Variants in CCDC33 observed in about 807,000 individuals in gnomAD.
CCDC33 encodes coiled-coil domain-containing protein 33.
Under a neutral mutation model 91.9 loss-of-function variants are expected in CCDC33, and 94 were observed. The observed-to-expected ratio is 1.02, with a 90% CI of 0.87 to 1.21. CCDC33 has a LOEUF of 1.21. CCDC33 is among the 50% of genes most tolerant of loss of function. The pLI is 0.00. For missense variants in CCDC33, 940 were observed against 935.5 expected (o/e 1.00, Z -0.06); for synonymous variants, 396 against 374.5 (o/e 1.06, Z -0.66).
intron 2 of CCDC33, among the ~76,000 whole-genome samples, chr15:74,224,044 C>T (rs2074705375): frequency 6.6e-6 from 1 of 152,128 alleles, no homozygotes; most frequent in African/African-American, 2.4e-5. Context: ...CTTTGTAGCT[C>T]GATTTTCTTT....
intron 16 of CCDC33, 46 bp from the exon 17 acceptor site, chr15:74,333,835 A>ACAGCCTC: frequency 6.6e-7 from 1 of 1,509,598 alleles, no homozygotes; most frequent in South Asian, 1.1e-5. Flanking sequence ...TCACACTGCC[A>ACAGCCTC]CAGCCTCCAG....
chr15:74,222,803 C>T (rs1369959972), intron 2 of CCDC33, among the ~76,000 whole-genome samples: 2 of 148,984 alleles, frequency 1.3e-5, no homozygotes, highest in Admixed American at 1.3e-4. Flanking sequence ...CTCCCCCGAC[C>T]CCCGCCGCCT....
intron 7 of CCDC33, among the ~76,000 whole-genome samples, chr15:74,274,517 G>A: frequency 6.6e-6 from 1 of 152,224 alleles, no homozygotes; most frequent in East Asian, 1.9e-4. Context: ...GACATTTGAA[G>A]AAGGCTCAGA....
At chr15:74,251,577 AG>A (rs2075711270) in intron 2 of CCDC33, among the ~76,000 whole-genome samples, 1 of 152,208 alleles carries the variant, frequency 6.6e-6, no homozygotes, top group Non-Finnish European at 1.5e-5. Flanking sequence ...CAGGACTCGA[AG>A]GGGAAGGCGC....
Position 74,280,700 on chromosome 15 carries a change from C to T in CCDC33, c.922C>T (p.Pro308Ser), listed in dbSNP as rs994572816. 4 of 1,544,988 alleles carry T rather than the reference C, an allele frequency of 2.6e-6. No individual in the cohort carries two copies. The African/African-American group carries it at 4.2e-5, about 16-fold the overall frequency. Residue 308 changes from proline to serine, a missense_variant, in exon 9 of 19, where the codon CCC (proline) becomes TCC (serine). By Grantham distance (74) the Pro-to-Ser change is moderately conservative (BLOSUM62 -1). Coordinates refer to ENST00000398814, the MANE Select transcript of CCDC33 (RefSeq NM_025055.5). ...KGSQPWTLNQ[P>S]LGISVLPLKS... Reference sequence around the variant, plus strand: ...CAGCCAGCCGTGGACCCTCAACCAGCCCCTGGGCATCTCTGTGTTGCCGCT... The same window carrying T: ...CAGCCAGCCGTGGACCCTCAACCAGTCCCTGGGCATCTCTGTGTTGCCGCT...
intron 11 of CCDC33, among the ~76,000 whole-genome samples, chr15:74,313,051 C>A (rs943404329): frequency 1.2e-4 from 18 of 152,204 alleles, no homozygotes; most frequent in Non-Finnish European, 2.4e-4. Flanking sequence ...TGAGCTTTGG[C>A]AGGTTCTTGT....
intron 5 of CCDC33, among the ~76,000 whole-genome samples, chr15:74,269,500 C>A (rs1056701563): frequency 1.3e-5 from 2 of 152,206 alleles, no homozygotes; most frequent in African/African-American, 4.8e-5. Context: ...CCTCTGCTCC[C>A]CGCCACCTTC....
intron 11 of CCDC33, among the ~76,000 whole-genome samples, chr15:74,305,672 G>T (rs1032657506): frequency 1.3e-5 from 2 of 152,160 alleles, no homozygotes; most frequent in African/African-American, 2.4e-5. Flanking sequence ...TTGTATTCTG[G>T]CACAGGCACC....
chr15:74,243,226 A>G (rs964574609), intron 1 of CCDC33, among the ~76,000 whole-genome samples: 3 of 152,228 alleles, frequency 2.0e-5, no homozygotes, highest in African/African-American at 7.2e-5. Flanking sequence ...CCTCCACGTA[A>G]TGCACTGAAT....
intron 11 of CCDC33, among the ~76,000 whole-genome samples, chr15:74,325,654 C>T (rs959711516): frequency 6.6e-6 from 1 of 152,176 alleles, no homozygotes; most frequent in African/African-American, 2.4e-5. Flanking sequence ...CACTGAGTCT[C>T]TGTGACCTTG....
In CCDC33 at chr15:74,280,794, C is replaced by G; in HGVS notation, c.1016C>G (p.Pro339Arg). 1 of 1,527,738 alleles carries G rather than the reference C, an allele frequency of 6.5e-7. No homozygotes were observed. The highest frequency in any genetic ancestry group is 8.8e-7 in the Non-Finnish European group (1 of 1,136,878). 94.6% of individuals were successfully genotyped at this position (1,527,738 alleles called of 1,614,324 possible). A position where few individuals can be genotyped will look rare whatever the true frequency, so the allele number is the denominator to read the frequency against. Residue 339 changes from proline to arginine, a missense_variant, in exon 9 of 19, where the codon CCC becomes CGC. Pro to Arg is a moderately radical substitution (Grantham distance 103). Coordinates refer to ENST00000398814, the MANE Select transcript of CCDC33 (RefSeq NM_025055.5). ...GACGGGCTTCACGTGGAGCGGCTCC[C>G]CATCATGGTGAGCCCCCTGCCCTGA... Reference protein sequence around the residue: ...GLDGLHVERLPIMDTSLKTIN... With the variant: ...GLDGLHVERLRIMDTSLKTIN...
chr15:74,323,354 A>G (rs563052782), intron 11 of CCDC33, among the ~76,000 whole-genome samples: 265 of 152,022 alleles, frequency 1.7e-3, no homozygotes, highest in Non-Finnish European at 3.2e-3. Flanking sequence ...GAACATAATT[A>G]TTATAAATTA....
At chr15:74,293,605 C>T (rs2059624888) in intron 10 of CCDC33, among the ~76,000 whole-genome samples, 1 of 152,134 alleles carries the variant, frequency 6.6e-6, no homozygotes, top group African/African-American at 2.4e-5. Flanking sequence ...CAGTGGGGAG[C>T]CTCCAAGTGA....
At chr15:74,235,231 CCAG>C (rs2142219406), upstream of CCDC33, among the ~76,000 whole-genome samples, 1 of 152,332 alleles carries the variant, frequency 6.6e-6, no homozygotes, top group Non-Finnish European at 1.5e-5. Context: ...CCATCCCCCA[CCAG>C]TGTCTGGGTG....
chr15:74,245,039 C>T (rs1230527056), intron 2 of CCDC33, among the ~76,000 whole-genome samples: 2 of 152,200 alleles, frequency 1.3e-5, no homozygotes, highest in East Asian at 3.9e-4. Flanking sequence ...GAAATCCTGC[C>T]TTCAAAGCCT....
intron 2 of CCDC33, among the ~76,000 whole-genome samples, chr15:74,253,601 G>C (rs1353467039): frequency 6.6e-6 from 1 of 152,144 alleles, no homozygotes; most frequent in Non-Finnish European, 1.5e-5. Context: ...CCATTATCAG[G>C]GAGAAGCTGA....
intron 8 of CCDC33, 76 bp downstream of exon 8, chr15:74,280,168 C>A: frequency 6.5e-7 from 1 of 1,534,532 alleles, no homozygotes. Context: ...TTCAGACCAT[C>A]CCACCTCTGC....
chr15:74,276,350 C>A (rs1166436658), intron 7 of CCDC33, among the ~76,000 whole-genome samples: 2 of 152,184 alleles, frequency 1.3e-5, no homozygotes, highest in Non-Finnish European at 2.9e-5. Context: ...GTTACTCCTA[C>A]CCCGGCACCT....
At chr15:74,219,628 T>C (rs1019201734) in intron 2 of CCDC33, among the ~76,000 whole-genome samples, 3 of 152,212 alleles carry the variant, frequency 2.0e-5, no homozygotes, top group Admixed American at 2.0e-4. Flanking sequence ...TGAGGGATTG[T>C]ACATGTCAGA....
Sources: gnomAD v4.1 joint callset for allele counts (sites outside exome capture counted in the v4.1 genomes callset) on GRCh38, gnomAD v4.1.1 for gene constraint, MANE v1.5 for transcripts, NCBI Gene and HGNC (gene_info 2026-07-23, HGNC 2026-07-21) for gene names.